Variants in CD226 observed in about 807,000 individuals in gnomAD.
CD226 encodes the protein CD226 antigen.
CD226 carries 24 observed loss-of-function variants against 34.9 expected under a neutral mutation model. That is an observed-to-expected ratio of 0.69 (90% CI 0.50 to 0.97). The LOEUF (loss-of-function observed/expected upper bound fraction) is 0.97, where lower values mean the gene tolerates loss of function less well. Ranked by LOEUF, CD226 falls within the 50% of genes least tolerant of loss-of-function variation. The probability of loss-of-function intolerance (pLI) is 0.00; values close to 1 mark genes in which losing one functional copy is unlikely to be tolerated. For synonymous variants in CD226, 148 were observed against 147.4 expected (o/e 1.00, Z -0.03); for missense variants, 397 against 412.7 (o/e 0.96, Z 0.33).
At chr18:69,867,538 G>A in intron 4 of CD226, 127 bp from the exon 5 acceptor site, 2 of 605,866 alleles carry the variant, frequency 3.3e-6, no homozygotes, top group Non-Finnish European at 2.9e-6. Context: ...GTAGCTTTAT[G>A]CACATTTATC....
At chr18:69,923,914 A>G (rs1421739652) in intron 2 of CD226, among the ~76,000 whole-genome samples, 1 of 151,124 alleles carries the variant, frequency 6.6e-6, no homozygotes, top group Non-Finnish European at 1.5e-5. Flanking sequence ...AGATCGCGCC[A>G]CTGCACTCCA....
intron 2 of CD226, among the ~76,000 whole-genome samples, chr18:69,900,019 T>G (rs1329717112): frequency 6.6e-6 from 1 of 152,084 alleles, no homozygotes; most frequent in Non-Finnish European, 1.5e-5. Context: ...AGCAAAGACA[T>G]GAAATCAACC....
chr18:69,884,184 C>A (rs533291558), intron 3 of CD226, among the ~76,000 whole-genome samples: 2 of 150,530 alleles, frequency 1.3e-5, no homozygotes, highest in South Asian at 2.1e-4. Context: ...GATGACAGAG[C>A]AAGACCCTGT....
chr18:69,855,198 T>G lies in CD226; in HGVS notation c.*9116A>C, dbSNP rs967677317. On this transcript the variant is annotated 3_prime_UTR_variant, in exon 6 of 6. Transcript: ENST00000582621. ...AGATAAAGCAATCATTGGAACCAGA[T>G]AGAGACATGACACGTGTCAGAATTA... 1.3e-5 allele frequency: 2 copies of G among 151,856 alleles called. No individual in the cohort carries two copies. Among genetic ancestry groups the G allele is most frequent in the Non-Finnish European group, 2.9e-5 (2 of 67,954 alleles). 9.4% of individuals were successfully genotyped at this position (151,856 alleles called of 1,614,324 possible).
At chr18:69,928,545 T>G (rs573664962) in intron 2 of CD226, among the ~76,000 whole-genome samples, 5 of 152,272 alleles carry the variant, frequency 3.3e-5, no homozygotes, top group African/African-American at 9.6e-5. Flanking sequence ...GGTGGGACAA[T>G]GTTTCCTTAG....
Position 69,865,442 on chromosome 18 carries a change from A to G in CD226, c.886-1003T>C, listed in dbSNP as rs182825793. Among the ~76,000 whole-genome samples the G allele has an allele frequency of 1.5e-3, 228 of 152,300 alleles. 2 individuals carry two copies. Among genetic ancestry groups the G allele is most frequent in the Non-Finnish European group, 1.4e-3 (92 of 68,016 alleles). ...CTCTTTAATAATCCTTCAAAATATT[A>G]TTCTACAAAAACCTGAAAAAGTTGG... On this transcript the variant is annotated intron_variant, in intron 5 of 5. Coordinates refer to ENST00000582621, the MANE Select transcript of CD226 (RefSeq NM_001303618.2).
At chr18:69,933,296 C>G (rs149967340) in intron 2 of CD226, among the ~76,000 whole-genome samples, 1 of 152,302 alleles carries the variant, frequency 6.6e-6, no homozygotes, top group East Asian at 1.9e-4. Context: ...GACCTTCCAC[C>G]CTCCGACCTT....
chr18:69,941,482 A>C (rs929319641), intron 2 of CD226, among the ~76,000 whole-genome samples: 1 of 152,254 alleles, frequency 6.6e-6, no homozygotes, highest in Non-Finnish European at 1.5e-5. Context: ...CAGCATGCCC[A>C]GGATGTGGGA....
At chr18:69,870,297 C>CA (rs1983438197) in intron 4 of CD226, among the ~76,000 whole-genome samples, 1 of 109,092 alleles carries the variant, frequency 9.2e-6, no homozygotes, top group African/African-American at 3.6e-5. Context: ...TTTTTTGAGA[C>CA]AGAGTCTTAC....
At chr18:69,881,218 A>C (rs1169172895) in intron 3 of CD226, among the ~76,000 whole-genome samples, 1 of 152,212 alleles carries the variant, frequency 6.6e-6, no homozygotes, top group Non-Finnish European at 1.5e-5. Context: ...GAAATATTAG[A>C]CCTTGTTTTG....
At chr18:69,893,991 A>G (rs1463463593) in intron 3 of CD226, among the ~76,000 whole-genome samples, 2 of 152,184 alleles carry the variant, frequency 1.3e-5, no homozygotes, top group Non-Finnish European at 2.9e-5. Flanking sequence ...GCCAAAGCCT[A>G]GCAAGCGTTG....
intron 2 of CD226, among the ~76,000 whole-genome samples, chr18:69,943,270 A>C (rs1041990457): frequency 6.6e-6 from 1 of 152,164 alleles, no homozygotes; most frequent in Non-Finnish European, 1.5e-5. Flanking sequence ...TGTAAATGCA[A>C]CTATATTTGC....
chr18:69,875,676 G>T (rs191653738), intron 3 of CD226, among the ~76,000 whole-genome samples: 2 of 152,186 alleles, frequency 1.3e-5, no homozygotes, highest in African/African-American at 2.4e-5. Flanking sequence ...CTATTGGCCA[G>T]TGTTATGTCT....
At chr18:69,885,268 C>T (rs1422488447) in intron 3 of CD226, among the ~76,000 whole-genome samples, 2 of 152,080 alleles carry the variant, frequency 1.3e-5, no homozygotes, top group African/African-American at 4.8e-5. Context: ...CATGAGAGAA[C>T]ATAAGTGTTC....
In CD226 at chr18:69,867,392, T is replaced by TTC; in HGVS notation, c.848_849dup (p.Arg284GlufsTer93). ...TCCCAGGACTCTGTAAATAGATCTC[T>TTC]TCTCTCTCTCCTTCTCCTTCTGGAA... is the stretch of plus-strand genomic sequence containing the variant. On this transcript the variant is annotated frameshift_variant, in exon 5 of 6. Transcript: ENST00000582621. LOFTEE classifies it low-confidence loss of function (END_TRUNC). 2 of 1,579,272 alleles carry TTC rather than the reference T, an allele frequency of 1.3e-6. No homozygotes were observed. The highest frequency in any genetic ancestry group is 1.7e-6 in the Non-Finnish European group (2 of 1,148,532).
intron 2 of CD226, among the ~76,000 whole-genome samples, chr18:69,901,735 C>T (rs1172624404): frequency 1.3e-5 from 2 of 151,866 alleles, no homozygotes; most frequent in African/African-American, 4.8e-5. Flanking sequence ...AAAAATTAGC[C>T]GGGCGTGGTG....
intron 2 of CD226, among the ~76,000 whole-genome samples, chr18:69,932,262 G>A (rs1036046677): frequency 2.0e-5 from 3 of 151,986 alleles, no homozygotes; most frequent in Admixed American, 1.3e-4. Context: ...CAGACTAATC[G>A]AAATCCCTTG....
rs1034475864 is a variant in CD226 at position 69,953,115 on chromosome 18, G to A, written c.-28+3640C>T. On this transcript the variant is annotated intron_variant, in intron 1 of 6. Transcript: ENST00000280200. ...AACCCTTGTGTACTGTTGCACAAGC[G>A]TTGTAAAGAAATGTAAAATGATGCA... Among the ~76,000 whole-genome samples the A allele has an allele frequency of 1.9e-4, 29 of 152,058 alleles. 1 individual carries two copies. The highest frequency in any genetic ancestry group is 1.2e-4 in the African/African-American group (5 of 41,388).
Position 69,901,685 on chromosome 18 carries a change from C to T in CD226, c.383-5640G>A, listed in dbSNP as rs556413263. On this transcript the variant is annotated intron_variant, in intron 2 of 5. Transcript: ENST00000582621. ...ACGAGGTCAGGAGATCAAGACCATC[C>T]TGGCTAACATGGTGAAACCCCGTCT... 7.0e-4 allele frequency among the ~76,000 whole-genome samples: 107 copies of T among 152,184 alleles called. 4 individuals are homozygous for T. The South Asian group carries it at 0.02, about 29-fold the overall frequency.
Sources: gnomAD v4.1 joint callset for allele counts (sites outside exome capture counted in the v4.1 genomes callset) on GRCh38, gnomAD v4.1.1 for gene constraint, MANE v1.5 for transcripts, NCBI Gene and HGNC (gene_info 2026-07-23, HGNC 2026-07-21) for gene names.